Variants in ARMH4 observed in about 807,000 individuals in gnomAD.
The protein encoded by ARMH4 is armadillo-like helical domain-containing protein 4.
ARMH4 carries 49 observed loss-of-function variants against 61.9 expected under a neutral mutation model. The observed-to-expected ratio is 0.79, with a 90% CI of 0.63 to 1.00. ARMH4 has a LOEUF of 1.00. Among genes scored for constraint, ARMH4 ranks in the 50% least tolerant of loss-of-function variants. The pLI is 0.00. For synonymous variants in ARMH4, 368 were observed against 341.5 expected (o/e 1.08, Z -0.85); for missense variants, 934 against 930.0 (o/e 1.00, Z -0.06).
intron 5 of ARMH4, among the ~76,000 whole-genome samples, chr14:58,092,039 A>G (rs1026329132): frequency 6.6e-6 from 1 of 152,266 alleles, no homozygotes; most frequent in South Asian, 2.1e-4. Flanking sequence ...TGCCTTAGAA[A>G]GTCATCTATG....
intron 5 of ARMH4, among the ~76,000 whole-genome samples, chr14:58,034,730 C>CA (rs1433361525): frequency 6.8e-5 from 3 of 44,056 alleles, no homozygotes; most frequent in Admixed American, 4.1e-4. Flanking sequence ...CAATGGAAAA[C>CA]AAAAAAAGGC....
chr14:58,150,095 A>G (rs1445616591), intron 1 of ARMH4, among the ~76,000 whole-genome samples: 1 of 152,218 alleles, frequency 6.6e-6, no homozygotes, highest in Non-Finnish European at 1.5e-5. Context: ...TCCATCAGAC[A>G]GTTTATTTCA....
At chr14:58,026,424 G>A (rs775549944) in intron 5 of ARMH4, among the ~76,000 whole-genome samples, 3 of 152,052 alleles carry the variant, frequency 2.0e-5, no homozygotes, top group Admixed American at 6.6e-5. Flanking sequence ...TTACCACCCA[G>A]CAGCAACAAG....
chr14:58,140,140 G>A (rs1309152599), intron 1 of ARMH4, among the ~76,000 whole-genome samples: 2 of 149,856 alleles, frequency 1.3e-5, no homozygotes, highest in African/African-American at 4.9e-5. Flanking sequence ...GTGGGAGTGG[G>A]CGTAGGCACC....
intron 5 of ARMH4, among the ~76,000 whole-genome samples, chr14:58,026,644 T>A (rs1883030707): frequency 6.6e-6 from 1 of 152,186 alleles, no homozygotes; most frequent in Non-Finnish European, 1.5e-5. Flanking sequence ...ATCTGCTGAA[T>A]CAAAAATTTG....
intron 5 of ARMH4, among the ~76,000 whole-genome samples, chr14:58,083,831 G>C (rs1049453988): frequency 6.6e-6 from 1 of 152,122 alleles, no homozygotes; most frequent in African/African-American, 2.4e-5. Flanking sequence ...AACAATTTTT[G>C]ACTCCACATA....
At chr14:58,029,223 C>T (rs1045443726) in intron 5 of ARMH4, among the ~76,000 whole-genome samples, 4 of 151,568 alleles carry the variant, frequency 2.6e-5, no homozygotes, top group Non-Finnish European at 5.9e-5. Flanking sequence ...TGGCTTCTTT[C>T]ACTTAGCATA....
chr14:58,066,081 T>G (rs1884691566), intron 5 of ARMH4, among the ~76,000 whole-genome samples: 1 of 152,224 alleles, frequency 6.6e-6, no homozygotes, highest in African/African-American at 2.4e-5. Flanking sequence ...TCACATTATT[T>G]CATCATTAGA....
At chr14:58,022,114 T>G (rs565893485) in intron 5 of ARMH4, among the ~76,000 whole-genome samples, 28 of 152,306 alleles carry the variant, frequency 1.8e-4, no homozygotes, top group African/African-American at 6.5e-4. Context: ...TTCTAGAGGC[T>G]CTAGGAGAGA....
At chr14:58,041,555 G>A (rs1235374840) in intron 5 of ARMH4, among the ~76,000 whole-genome samples, 2 of 152,082 alleles carry the variant, frequency 1.3e-5, no homozygotes, top group African/African-American at 4.8e-5. Context: ...AAAATAACCA[G>A]CTAACATCAT....
chr14:58,069,619 G>A (rs1318190103), intron 5 of ARMH4, among the ~76,000 whole-genome samples: 1 of 152,176 alleles, frequency 6.6e-6, no homozygotes, highest in Non-Finnish European at 1.5e-5. Context: ...GTTAAAAAGA[G>A]TTTGGTGGCA....
At chr14:58,116,165 T>G (rs1886512880) in intron 4 of ARMH4, 1 of 153,076 alleles carries the variant, frequency 6.5e-6, no homozygotes, top group African/African-American at 2.4e-5. Context: ...CCATTATTAA[T>G]CTATAAAAAT....
chr14:58,066,933 T>A (rs938728313), intron 5 of ARMH4, among the ~76,000 whole-genome samples: 3 of 152,188 alleles, frequency 2.0e-5, no homozygotes, highest in African/African-American at 7.2e-5. Flanking sequence ...TTTTAGCAGA[T>A]CCAGTTTGCT....
At chr14:58,076,120 G>A (rs1422244254) in intron 5 of ARMH4, among the ~76,000 whole-genome samples, 1 of 151,442 alleles carries the variant, frequency 6.6e-6, no homozygotes, top group East Asian at 1.9e-4. Context: ...GGGAAGGGGA[G>A]GAGGAGGAGG....
At chr14:58,055,672 C>T (rs554927367) in intron 5 of ARMH4, among the ~76,000 whole-genome samples, 2 of 152,144 alleles carry the variant, frequency 1.3e-5, no homozygotes, top group African/African-American at 2.4e-5. Flanking sequence ...AGTCACCCCC[C>T]ACCCTACACC....
At chr14:58,017,979 C>G (rs1882677324) in intron 5 of ARMH4, among the ~76,000 whole-genome samples, 1 of 152,040 alleles carries the variant, frequency 6.6e-6, no homozygotes, top group Non-Finnish European at 1.5e-5. Flanking sequence ...ATGCATTTAC[C>G]ATCAATTGAT....
intron 5 of ARMH4, among the ~76,000 whole-genome samples, chr14:58,063,432 A>G (rs929786437): frequency 2.0e-5 from 3 of 152,202 alleles, no homozygotes; most frequent in Non-Finnish European, 4.4e-5. Flanking sequence ...GACCCATAAT[A>G]AAAGCCATAG....
At chr14:58,025,276 A>T (rs1254237965) in intron 5 of ARMH4, among the ~76,000 whole-genome samples, 1 of 152,194 alleles carries the variant, frequency 6.6e-6, no homozygotes, top group East Asian at 1.9e-4. Context: ...CTAACTGAAG[A>T]ATTTCAGACT....
chr14:58,097,000 A>G lies in ARMH4; in HGVS notation c.1832-19T>C, dbSNP rs1049337788. ...TGTCCCTCTAGGCAAAAAGAAATCA[A>G]AGGGAAGCATAAACATATAATGAGT... On this transcript the variant is annotated intron_variant, in intron 4 of 7. Transcript: ENST00000267485. The G allele has an allele frequency of 1.2e-6, 2 of 1,609,550 alleles. No individual in the cohort carries two copies. Among genetic ancestry groups the G allele is most frequent in the Admixed American group, 1.7e-5 (1 of 59,966 alleles).
Sources: gnomAD v4.1 joint callset for allele counts (sites outside exome capture counted in the v4.1 genomes callset) on GRCh38, gnomAD v4.1.1 for gene constraint, MANE v1.5 for transcripts, NCBI Gene and HGNC (gene_info 2026-07-23, HGNC 2026-07-21) for gene names.